MACF1: variants seen among roughly 807,000 people sequenced by gnomAD.
MACF1 encodes microtubule actin crosslinking factor 1.
In MACF1, 193 loss-of-function variants were observed where a neutral mutation model predicts 854.8. The ratio of observed to expected loss-of-function variants is 0.23; its 90% CI spans 0.20 to 0.25. The LOEUF (loss-of-function observed/expected upper bound fraction) is 0.25. MACF1 is among the 10% of genes least tolerant of loss of function. MACF1 has a pLI of 1.00. For missense variants in MACF1, 7,722 were observed against 8,929.1 expected (o/e 0.86, Z 5.45); for synonymous variants, 3,185 against 3,226.7 (o/e 0.99, Z 0.44).
At chr1:39,142,458 C>A (rs1283692786) in intron 2 of MACF1, among the ~76,000 whole-genome samples, 1 of 152,160 alleles carries the variant, frequency 6.6e-6, no homozygotes, top group Non-Finnish European at 1.5e-5. Context: ...CTCCAAATGA[C>A]AGCTTACAGT....
intron 2 of MACF1, among the ~76,000 whole-genome samples, chr1:39,232,742 CTTTGTTTT>C (rs1355208741): frequency 7.2e-5 from 4 of 55,918 alleles, no homozygotes; most frequent in Admixed American, 2.6e-4. Context: ...CTCATACTCT[CTTTGTTTT>C]TTTTTTTTTT....
intron 1 of MACF1, among the ~76,000 whole-genome samples, chr1:39,208,935 G>A (rs573395833): frequency 3.0e-4 from 45 of 151,956 alleles, no homozygotes; most frequent in Non-Finnish European, 5.9e-4. Context: ...CTCAGTATCT[G>A]CAGTGTCTGA....
intron 2 of MACF1, among the ~76,000 whole-genome samples, chr1:39,178,454 C>T (rs1557500499): frequency 6.6e-6 from 1 of 152,150 alleles, no homozygotes; most frequent in Non-Finnish European, 1.5e-5. Flanking sequence ...CTATCATACT[C>T]CTTGAAAGGG....
chr1:39,389,943 A>C (rs1367482325), intron 58 of MACF1, among the ~76,000 whole-genome samples: 5 of 152,198 alleles, frequency 3.3e-5, no homozygotes, highest in Non-Finnish European at 7.3e-5. Context: ...TAATTGCAAA[A>C]ATACTTTAAT....
chr1:39,387,951 G>C lies in MACF1; in HGVS notation c.15109G>C (p.Asp5037His). The C allele has an allele frequency of 6.2e-7, 1 of 1,614,020 alleles. No individual in the cohort carries two copies. The highest frequency in any genetic ancestry group is 8.5e-7 in the Non-Finnish European group (1 of 1,180,032). Residue 5037 changes from aspartate to histidine, a missense_variant, in exon 58 of 101, where the codon GAT becomes CAT. Transcript: ENST00000564288. ...AGCCAAACACCAACTTGAGATCTTT[G>C]ATGCTCTGGGTTCTCAAGCCTGTAG... ...EGAKHQLEIF[D>H]ALGSQACSNK...
At chr1:39,090,903 C>T (rs1454549012) in intron 2 of MACF1, among the ~76,000 whole-genome samples, 2 of 152,208 alleles carry the variant, frequency 1.3e-5, no homozygotes, top group African/African-American at 4.8e-5. Flanking sequence ...GGCTGGCCTC[C>T]TTTTTCTGGT....
Position 39,105,844 on chromosome 1 carries a change from C to T in MACF1, c.220+21406C>T, listed in dbSNP as rs938597411. ...TCGCACCCACCGCGCGGGGCTTGGCCCTGAGCTGCTGCTTCTCGGGGCCAG... is the reference window on the plus strand; with the variant it reads ...TCGCACCCACCGCGCGGGGCTTGGCTCTGAGCTGCTGCTTCTCGGGGCCAG... On this transcript the variant is annotated intron_variant, in intron 2 of 93. Coordinates refer to the MACF1 transcript ENST00000361689. This position sits in a 1 kb window ranked among gnomAD's most constrained non-coding sequence, Gnocchi z 5.9. 12 of 738,608 alleles carry T rather than the reference C, an allele frequency of 1.6e-5. No individual in the cohort carries two copies. The highest frequency in any genetic ancestry group is 2.0e-5 in the Non-Finnish European group (12 of 604,136). 45.8% of individuals were successfully genotyped at this position (738,608 alleles called of 1,614,324 possible).
At chr1:39,482,783 G>A (rs1291862261) in intron 99 of MACF1, among the ~76,000 whole-genome samples, 3 of 108,712 alleles carry the variant, frequency 2.8e-5, no homozygotes, top group African/African-American at 1.1e-4. Context: ...AACAGAGTGA[G>A]ACTGCCTCAA....
intron 15 of MACF1, among the ~76,000 whole-genome samples, chr1:39,289,088 T>C (rs1645713910): frequency 6.6e-6 from 1 of 152,240 alleles, no homozygotes; most frequent in Admixed American, 6.5e-5. Flanking sequence ...TTTTTATGGT[T>C]GAATAGTACT....
intron 2 of MACF1, among the ~76,000 whole-genome samples, chr1:39,168,140 G>A (rs2148217323): frequency 6.6e-6 from 1 of 152,272 alleles, no homozygotes; most frequent in Non-Finnish European, 1.5e-5. Context: ...GCTCTGGACA[G>A]GGCCTCTGTT....
chr1:39,438,713 G>T (rs765876473), intron 71 of MACF1, among the ~76,000 whole-genome samples: 3 of 152,120 alleles, frequency 2.0e-5, no homozygotes, highest in Admixed American at 6.5e-5. Context: ...GGGAGGCAGA[G>T]GTTGCAGTGA....
intron 55 of MACF1, 103 bp from the exon 56 acceptor site, chr1:39,381,850 C>CG (rs1650253542): frequency 2.5e-6 from 2 of 810,776 alleles, no homozygotes; most frequent in Non-Finnish European, 4.2e-6. Context: ...AAATAAATAA[C>CG]GCTTCTGGGG....
Position 39,460,514 on chromosome 1 carries a change from A to G in MACF1, c.21361-118A>G. The G allele has an allele frequency of 1.2e-6, 1 of 833,904 alleles. No individual in the cohort carries two copies. Among genetic ancestry groups the G allele is most frequent in the Non-Finnish European group, 1.9e-6 (1 of 516,642 alleles). The allele number at this position is 833,904 out of a possible 1,614,324, so 51.7% of individuals were successfully genotyped here. ...CAAAAGAAGCAAACACATAGATTTC[A>G]TTGTTGATGGCCCCTGGAAGCATGG... On this transcript the variant is annotated intron_variant, in intron 91 of 100. Transcript: ENST00000564288. The surrounding 1 kb of genome is among the most constrained non-coding windows in gnomAD (Gnocchi z 4.1).
intron 89 of MACF1, 23 bp from the exon 90 acceptor site, chr1:39,458,347 T>G (rs747701568): frequency 8.1e-6 from 13 of 1,610,226 alleles, no homozygotes; most frequent in Non-Finnish European, 1.0e-5. Flanking sequence ...TTAACTCTTT[T>G]TCCTATTTTT....
rs201400155 is a variant in MACF1 at position 39,424,037 on chromosome 1, C to A, written c.16159C>A (p.Arg5387=). 6.2e-7 allele frequency: 1 copy of A among 1,609,450 alleles called. No individual in the cohort carries two copies. The highest frequency in any genetic ancestry group is 8.5e-7 in the Non-Finnish European group (1 of 1,178,198). Residue 5387 remains arginine, a synonymous_variant, in exon 61 of 101, where the codon CGG becomes AGG. Coordinates refer to ENST00000564288, the MANE Select transcript of MACF1 (RefSeq NM_001394062.1). The part of the protein sequence containing the change: ...AQIQEQKLLQ[R]LLDDRKATVD... ...ATTCTCTTTATAATAGTTGCTCCAG[C>A]GGCTCCTAGATGATCGAAAGGCCAC...
At chr1:39,258,995 C>G (rs911038077) in intron 6 of MACF1, among the ~76,000 whole-genome samples, 7 of 152,156 alleles carry the variant, frequency 4.6e-5, no homozygotes, top group Non-Finnish European at 1.5e-5. Context: ...TTTTGTGGAA[C>G]CACAGGGTAT....
chr1:39,178,566 C>G (rs1040094388), intron 2 of MACF1, among the ~76,000 whole-genome samples: 23 of 152,190 alleles, frequency 1.5e-4, no homozygotes, highest in Non-Finnish European at 2.8e-4. Context: ...ATTCTTAAGG[C>G]ATGCGGGTCA....
chr1:39,269,533 A>G (rs995551289), intron 6 of MACF1: 1 of 1,289,732 alleles, frequency 7.8e-7, no homozygotes, highest in Non-Finnish European at 1.0e-6. Context: ...TCTCAGAGTG[A>G]TTTGTCCATC....
chr1:39,141,595 A>G (rs962501109), intron 2 of MACF1, among the ~76,000 whole-genome samples: 3 of 152,248 alleles, frequency 2.0e-5, no homozygotes, highest in African/African-American at 7.2e-5. Context: ...AATAACATGT[A>G]AAGTGCTTAA....
Sources: gnomAD v4.1 joint callset for allele counts (sites outside exome capture counted in the v4.1 genomes callset) on GRCh38, gnomAD v4.1.1 for gene constraint, Gnocchi (gnomAD v3.1) non-coding constraint, MANE v1.5 for transcripts, NCBI Gene and HGNC (gene_info 2026-07-23, HGNC 2026-07-21) for gene names.